Variants in USH2A observed in about 807,000 individuals in gnomAD.
USH2A encodes the protein usherin, also known as Usher syndrome 2A (autosomal recessive, mild).
In USH2A, 443 loss-of-function variants were observed where a neutral mutation model predicts 538.9. The observed-to-expected ratio is 0.82, with a 90% CI of 0.76 to 0.89. The LOEUF is 0.89. Ranked by LOEUF, USH2A falls within the 40% of genes least tolerant of loss-of-function variation. USH2A has a pLI of 0.00. For synonymous variants in USH2A, 2,413 were observed against 2,273.5 expected, an observed-to-expected ratio of 1.06 and a Z score of -1.75; for missense variants, 6,633 against 6,324.8, an observed-to-expected ratio of 1.05 and a Z score of -1.65.
intron 32 of USH2A, among the ~76,000 whole-genome samples, chr1:216,003,832 T>C (rs373931333): frequency 6.6e-6 from 1 of 152,172 alleles, no homozygotes; most frequent in Middle Eastern, 3.2e-3. Context: ...ATGAGTATCA[T>C]CCTGGCTGCC....
chr1:216,420,197 A>G (rs1405141263), intron 2 of USH2A, among the ~76,000 whole-genome samples: 2 of 152,096 alleles, frequency 1.3e-5, no homozygotes, highest in Non-Finnish European at 2.9e-5. Flanking sequence ...GTTTAAATCT[A>G]CAAGTGAGAA....
At chr1:215,893,767 A>G (rs1043881324) in intron 40 of USH2A, among the ~76,000 whole-genome samples, 1 of 152,142 alleles carries the variant, frequency 6.6e-6, no homozygotes, top group Non-Finnish European at 1.5e-5. Context: ...GAGATTCGAG[A>G]GCTTAAGTGG....
intron 40 of USH2A, among the ~76,000 whole-genome samples, chr1:215,892,827 C>G (rs1571787844): frequency 6.6e-6 from 1 of 152,120 alleles, no homozygotes; most frequent in Admixed American, 6.5e-5. Flanking sequence ...AAAGAAACCT[C>G]TGAAGGCTAA....
chr1:216,136,773 T>C (rs772833500), intron 21 of USH2A, among the ~76,000 whole-genome samples: 10 of 152,086 alleles, frequency 6.6e-5, no homozygotes, highest in Admixed American at 2.0e-4. Flanking sequence ...GAAAATGCCA[T>C]GTGACAACGA....
chr1:215,782,062 C>T lies in USH2A; in HGVS notation c.10720G>A (p.Gly3574Ser). 1 of 1,614,020 alleles carries T rather than the reference C, an allele frequency of 6.2e-7. No individual in the cohort carries two copies. The highest frequency in any genetic ancestry group is 8.5e-7 in the Non-Finnish European group (1 of 1,179,870). The change falls in exon 54 of 72, where the codon GGC becomes AGC. Residue 3574 changes from glycine to serine, a missense_variant. By Grantham distance (56) the Gly-to-Ser change is moderately conservative. Transcript: ENST00000307340. ...CTTACCTTGCTACTGGTGGCACAGC[C>T]AGCAACCGTGCAAGCTTTCAGCTGA... ...SYQLKACTVA[G>S]CATSSKVVAA...
At chr1:216,347,640 T>C (rs2038204205) in intron 4 of USH2A, among the ~76,000 whole-genome samples, 1 of 152,170 alleles carries the variant, frequency 6.6e-6, no homozygotes, top group Non-Finnish European at 1.5e-5. Context: ...CCTGTAATTC[T>C]GATATGACTT....
chr1:216,030,455 T>C (rs1821762), intron 32 of USH2A, among the ~76,000 whole-genome samples: 531 of 51,542 alleles, frequency 0.01, 5 homozygotes, highest in East Asian at 0.025. Flanking sequence ...TATAGATATA[T>C]ATCACAGACA....
intron 22 of USH2A, among the ~76,000 whole-genome samples, chr1:216,092,545 AAG>A (rs1219199179): frequency 3.9e-5 from 6 of 152,188 alleles, no homozygotes; most frequent in Admixed American, 3.9e-4. Context: ...ACTTTGGAAA[AAG>A]AGAGCAAATA....
chr1:216,202,528 G>A (rs1458929160), intron 16 of USH2A, among the ~76,000 whole-genome samples: 5 of 152,188 alleles, frequency 3.3e-5, no homozygotes, highest in African/African-American at 1.2e-4. Context: ...TGCTCTCCTT[G>A]GTTGGGGTAC....
intron 30 of USH2A, among the ~76,000 whole-genome samples, chr1:216,054,184 A>G (rs2030893059): frequency 6.6e-6 from 1 of 152,180 alleles, no homozygotes; most frequent in Admixed American, 6.5e-5. Flanking sequence ...GCAGACTGTT[A>G]GCTCCACTCG....
chr1:215,639,027 C>G (rs1656590111), intron 69 of USH2A, 128 bp downstream of exon 69: 12 of 890,932 alleles, frequency 1.3e-5, no homozygotes, highest in East Asian at 1.0e-4. Context: ...TCTGACAACA[C>G]TTGGCACAAT....
chr1:216,196,416 A>T, intron 19 of USH2A, 137 bp downstream of exon 19: 1 of 865,078 alleles, frequency 1.2e-6, no homozygotes, highest in Non-Finnish European at 1.8e-6. Flanking sequence ...TTGTACACAT[A>T]ATATTATATT....
At chr1:215,848,943 G>T (rs925475989) in intron 44 of USH2A, among the ~76,000 whole-genome samples, 5 of 152,144 alleles carry the variant, frequency 3.3e-5, no homozygotes, top group Admixed American at 6.5e-5. Flanking sequence ...AGAAACAGAA[G>T]ATACATCTTC....
Position 215,888,785 on chromosome 1 carries a change from C to T in USH2A, c.7864G>A (p.Gly2622Arg). 9.3e-6 allele frequency: 15 copies of T among 1,614,056 alleles called. No individual in the cohort carries two copies. The highest frequency in any genetic ancestry group is 1.3e-5 in the Non-Finnish European group (15 of 1,179,996). The change falls in exon 41 of 72, where the codon GGG becomes AGG. Residue 2622 changes from glycine to arginine, a missense_variant. Gly to Arg is a moderately radical substitution (Grantham distance 125, BLOSUM62 -2). Coordinates refer to ENST00000307340, the MANE Select transcript of USH2A (RefSeq NM_206933.4). The part of the protein sequence containing the change: ...PESQTVWTLP[G>R]APEGIPSPEL... The stretch of plus-strand genomic sequence containing the variant: ...GGACTTGGGATCCCTTCCGGTGCCC[C>T]TGGGAGTGTCCATACAGTCTGGGAC...
intron 32 of USH2A, among the ~76,000 whole-genome samples, chr1:216,043,398 T>C (rs992009308): frequency 6.6e-6 from 1 of 152,176 alleles, no homozygotes; most frequent in South Asian, 2.1e-4. Flanking sequence ...AGGAACATAG[T>C]TGCTTATGAA....
intron 11 of USH2A, among the ~76,000 whole-genome samples, chr1:216,282,924 C>T (rs1571657282): frequency 6.6e-6 from 1 of 152,148 alleles, no homozygotes; most frequent in Non-Finnish European, 1.5e-5. Context: ...TAATTTTACA[C>T]TTCTTTTACT....
intron 50 of USH2A, among the ~76,000 whole-genome samples, chr1:215,795,951 T>C (rs1662119458): frequency 6.6e-6 from 1 of 152,232 alleles, no homozygotes; most frequent in Non-Finnish European, 1.5e-5. Flanking sequence ...TATTTATTAA[T>C]GCATTTAGAC....
chr1:215,725,990 A>C (rs1302814892), intron 61 of USH2A, among the ~76,000 whole-genome samples: 1 of 152,226 alleles, frequency 6.6e-6, no homozygotes, highest in African/African-American at 2.4e-5. Context: ...ATTCCAATAG[A>C]ACTGTTTCGT....
At chr1:215,685,599 C>G (rs1366915430) in intron 61 of USH2A, among the ~76,000 whole-genome samples, 1 of 152,050 alleles carries the variant, frequency 6.6e-6, no homozygotes, top group Non-Finnish European at 1.5e-5. Context: ...TTCAGGTGAT[C>G]CACCCGCCAT....
Sources: gnomAD v4.1 joint callset for allele counts (sites outside exome capture counted in the v4.1 genomes callset) on GRCh38, gnomAD v4.1.1 for gene constraint, MANE v1.5 for transcripts, NCBI Gene and HGNC (gene_info 2026-07-23, HGNC 2026-07-21) for gene names.